The following ELSPBP1 variants were observed in gnomAD, a reference collection of about 807,000 sequenced individuals.
ELSPBP1 encodes the protein epididymal sperm binding protein 1, also known as epididymal sperm-binding protein 1.
Under a neutral mutation model 33.3 loss-of-function variants are expected in ELSPBP1, and 38 were observed. The observed-to-expected ratio is 1.14, with a 90% CI of 0.88 to 1.50. The LOEUF is 1.50. ELSPBP1 is among the 40% of genes most tolerant of loss of function. The probability of loss-of-function intolerance (pLI) is 0.00; values close to 1 mark genes in which losing one functional copy is unlikely to be tolerated. For synonymous variants in ELSPBP1, 85 were observed against 94.1 expected, an observed-to-expected ratio of 0.90 and a Z score of 0.56; for missense variants, 267 against 263.5, an observed-to-expected ratio of 1.01 and a Z score of -0.09.
At chr19:48,007,700 T>A (rs1326834266) in intron 1 of ELSPBP1, among the ~76,000 whole-genome samples, 1 of 151,842 alleles carries the variant, frequency 6.6e-6, no homozygotes, top group Non-Finnish European at 1.5e-5. Flanking sequence ...AGGAGATGAG[T>A]GTGATTCATG....
intron 3 of ELSPBP1, 85 bp downstream of exon 3, chr19:48,014,393 C>A: frequency 6.8e-7 from 1 of 1,471,538 alleles, no homozygotes; most frequent in Non-Finnish European, 9.1e-7. Context: ...ATGACATGAT[C>A]ACATTTTTGC....
intron 5 of ELSPBP1, among the ~76,000 whole-genome samples, chr19:48,021,936 G>A (rs559336792): frequency 1.1e-3 from 171 of 152,166 alleles, no homozygotes; most frequent in South Asian, 1.0e-3. Flanking sequence ...TTGTAGGGAC[G>A]GGGTTTCACT....
intron 1 of ELSPBP1, among the ~76,000 whole-genome samples, chr19:47,997,696 C>G (rs1966924470): frequency 6.6e-6 from 1 of 152,126 alleles, no homozygotes; most frequent in Non-Finnish European, 1.5e-5. Context: ...GCTGGGATTA[C>G]AGGTGTGAGC....
intron 2 of ELSPBP1, among the ~76,000 whole-genome samples, chr19:48,013,917 G>T (rs1967102806): frequency 6.6e-6 from 1 of 152,006 alleles, no homozygotes; most frequent in African/African-American, 2.4e-5. Flanking sequence ...CGTAGAAGGG[G>T]CTAGCTAGCT....
At chr19:48,007,924 A>G (rs2122304658) in intron 1 of ELSPBP1, among the ~76,000 whole-genome samples, 1 of 152,302 alleles carries the variant, frequency 6.6e-6, no homozygotes, top group Non-Finnish European at 1.5e-5. Context: ...TCGAGCCTGG[A>G]GTACAGTAAG....
rs771106886 is a variant in ELSPBP1, at chr19:48,014,184, A to ATG, written c.88_89dup (p.Phe31SerfsTer66). On this transcript the variant is annotated frameshift_variant, in exon 3 of 7. Coordinates refer to ENST00000339841, the MANE Select transcript of ELSPBP1 (RefSeq NM_022142.5). LOFTEE classifies it high-confidence loss of function. ...TCTGCCCTTCAGGGATGCATGAGGA[A>ATG]TGTGTCTTTCCTTTCACCTACAAGG... 6.2e-7 allele frequency: 1 copy of ATG among 1,613,460 alleles called. No homozygotes were observed. Among genetic ancestry groups the ATG allele is most frequent in the Non-Finnish European group, 8.5e-7 (1 of 1,179,730 alleles).
chr19:48,022,050 A>C (rs1967206278), intron 5 of ELSPBP1, 120 bp from the exon 6 acceptor site: 1 of 861,322 alleles, frequency 1.2e-6, no homozygotes, highest in African/African-American at 1.7e-5. Context: ...GCTGGGATTA[A>C]AGGCGCGAAC....
chr19:48,022,250 G>A lies in ELSPBP1; in HGVS notation c.595G>A (p.Glu199Lys), dbSNP rs2303690. 0.59 allele frequency: 944,265 copies of A among 1,613,158 alleles called. 280,065 individuals carry two copies. The highest frequency in any genetic ancestry group is 0.86 in the East Asian group (38,506 of 44,858). Reference protein sequence around the residue: ...KNKNYFNCTNEGSKENLVWCA... With the variant: ...KNKNYFNCTNKGSKENLVWCA... ...CAAGAATTATTTTAACTGCACTAAC[G>A]AAGGATCAAAGGAGAACCTTGTGTG... Residue 199 changes from glutamate (E) to lysine (K), a missense_variant, in exon 6 of 7, where the codon GAA becomes AAA. Physicochemically the swap from Glu to Lys is moderately conservative, Grantham distance 56. Coordinates refer to ENST00000339841, the MANE Select transcript of ELSPBP1 (RefSeq NM_022142.5).
chr19:48,019,989 ATCTGGTGATGAATCCGGCAGACAGAGT>A (rs1236356674), intron 5 of ELSPBP1, 112 bp downstream of exon 5: 2 of 1,133,188 alleles, frequency 1.8e-6, no homozygotes, highest in Non-Finnish European at 2.5e-6. Context: ...GGCACTGAGG[ATCTGGTGATGAATCCGGCAGACAGAGT>A]TCTGGCTCAC....
chr19:48,011,237 T>G lies in ELSPBP1; in HGVS notation c.70+2500T>G, dbSNP rs926575435. Among the ~76,000 whole-genome samples the G allele has an allele frequency of 2.6e-5, 4 of 151,822 alleles. No homozygotes were observed. Among genetic ancestry groups the G allele is most frequent in the Admixed American group, 1.3e-4 (2 of 15,238 alleles). ...AGAATGACAATAATGGGGTTGATGA[T>G]GATGATGACAATGATTGATAATGAT... is the stretch of plus-strand genomic sequence containing the variant. On this transcript the variant is annotated intron_variant, in intron 2 of 6. Transcript: ENST00000339841. The surrounding 1 kb of genome is among the most constrained non-coding windows in gnomAD (Gnocchi z 4.5).
intron 1 of ELSPBP1, among the ~76,000 whole-genome samples, chr19:48,001,675 C>A (rs1213910024): frequency 6.6e-6 from 1 of 151,862 alleles, no homozygotes; most frequent in Non-Finnish European, 1.5e-5. Context: ...CTTGAGTAGA[C>A]AGGACTACAG....
chr19:47,998,166 C>T (rs1223319417), intron 1 of ELSPBP1, among the ~76,000 whole-genome samples: 1 of 152,150 alleles, frequency 6.6e-6, no homozygotes, highest in Non-Finnish European at 1.5e-5. Context: ...GTAATCCCAG[C>T]ACTTAGGGGG....
rs922647948 is a variant in ELSPBP1 at position 48,020,833 on chromosome 19, G to C, written c.514+956G>C. 8.5e-5 allele frequency among the ~76,000 whole-genome samples: 13 copies of C among 152,308 alleles called. No individual in the cohort carries two copies. The South Asian group carries it at 2.3e-3, about 27-fold the overall frequency. ...CCCAAGACCCAGTGGAAAGGAAAGG[G>C]AAGTCCTTGGGCAAAGAGGAACTAG... is the stretch of plus-strand genomic sequence containing the variant. On this transcript the variant is annotated intron_variant, in intron 5 of 6. Coordinates refer to ENST00000339841, the MANE Select transcript of ELSPBP1 (RefSeq NM_022142.5).
At chr19:48,001,674 A>G (rs896972223) in intron 1 of ELSPBP1, among the ~76,000 whole-genome samples, 3 of 151,530 alleles carry the variant, frequency 2.0e-5, no homozygotes, top group African/African-American at 7.3e-5. Flanking sequence ...TCTTGAGTAG[A>G]CAGGACTACA....
At chr19:48,004,285 C>T (rs911112559) in intron 1 of ELSPBP1, among the ~76,000 whole-genome samples, 48 of 151,882 alleles carry the variant, frequency 3.2e-4, no homozygotes, top group Admixed American at 6.6e-5. Flanking sequence ...CTACAGGGTC[C>T]GGTCCCATCC....
intron 3 of ELSPBP1, among the ~76,000 whole-genome samples, chr19:48,015,436 A>C (rs1322677759): frequency 6.6e-6 from 1 of 152,152 alleles, no homozygotes. Context: ...CGGGTGGATC[A>C]CCTGAGGCCA....
Position 48,008,710 on chromosome 19 carries a change from C to T in ELSPBP1, c.43C>T (p.Leu15Phe), listed in dbSNP as rs753766094. Residue 15 changes from leucine to phenylalanine, a missense_variant, in exon 2 of 7, where the codon CTT becomes TTT. By Grantham distance (22) the Leu-to-Phe change is conservative (BLOSUM62 0). Coordinates refer to ENST00000339841, the MANE Select transcript of ELSPBP1 (RefSeq NM_022142.5). ...TTACCTGTTGGGATGGACAACCTTCCTTCTCTATTCCTATGAGTCAAGTGG... is the reference window on the plus strand; with the variant it reads ...TTACCTGTTGGGATGGACAACCTTCTTTCTCTATTCCTATGAGTCAAGTGG... ...SSYLLGWTTF[L>F]LYSYESSGGM... 1.9e-6 allele frequency: 3 copies of T among 1,613,858 alleles called. No individual in the cohort carries two copies. In the South Asian group the frequency reaches 3.3e-5, roughly 18 times the overall value.
At chr19:48,008,863 C>A (rs1022720339) in intron 2 of ELSPBP1, 126 bp downstream of exon 2, 3 of 789,860 alleles carry the variant, frequency 3.8e-6, no homozygotes, top group African/African-American at 1.7e-5. Flanking sequence ...AAGCTGGGCG[C>A]GGTGGCTGAC....
At position 48,016,042 on chromosome 19, in the gene ELSPBP1, G is replaced by A; in HGVS notation, c.355+3G>A. ...GTGGAAATTCTGTGAAACGAATGGT[G>A]AGCCCCTGTAGCAGGGATGGGATGT... On this transcript the variant is annotated splice_donor_region_variant and intron_variant, in intron 4 of 6. Coordinates refer to ENST00000339841, the MANE Select transcript of ELSPBP1 (RefSeq NM_022142.5). 1.2e-6 allele frequency: 2 copies of A among 1,612,976 alleles called. No individual in the cohort carries two copies. Among genetic ancestry groups the A allele is most frequent in the Non-Finnish European group, 1.7e-6 (2 of 1,179,824 alleles).
Sources: allele counts gnomAD v4.1 joint callset (sites outside exome capture counted in the v4.1 genomes callset), GRCh38; gene constraint gnomAD v4.1.1; non-coding constraint Gnocchi (gnomAD v3.1); transcripts MANE v1.5; gene names NCBI Gene and HGNC (gene_info 2026-07-23, HGNC 2026-07-21).